PCDHGA6: variants seen among roughly 807,000 people sequenced by gnomAD.
PCDHGA6 encodes protocadherin gamma-A6.
A neutral mutation model predicts 60.6 loss-of-function variants in PCDHGA6; 41 were observed. That is an observed-to-expected ratio of 0.68 (90% CI 0.53 to 0.88). The LOEUF (loss-of-function observed/expected upper bound fraction) is 0.88. Ranked by LOEUF, PCDHGA6 falls within the 40% of genes least tolerant of loss-of-function variation. The pLI is 0.00. For synonymous variants in PCDHGA6, 594 were observed against 524.4 expected (o/e 1.13, Z -1.81); for missense variants, 1,312 against 1,203.0 (o/e 1.09, Z -1.34).
intron 1 of PCDHGA6, chr5:141,390,163 C>A: frequency 1.2e-6 from 2 of 1,613,992 alleles, no homozygotes; most frequent in South Asian, 1.1e-5. Flanking sequence ...ACAGGAAAGA[C>A]GGAGTTTAAT....
chr5:141,381,826 C>CTTCTT (rs1777532522), intron 1 of PCDHGA6, among the ~76,000 whole-genome samples: 13 of 74,294 alleles, frequency 1.7e-4, no homozygotes, highest in South Asian at 5.2e-4. Context: ...CTTTCTTCTT[C>CTTCTT]TTTTTTTTTT....
At chr5:141,395,485 T>C (rs2093239128) in intron 1 of PCDHGA6, 2 of 522,170 alleles carry the variant, frequency 3.8e-6, no homozygotes, top group Non-Finnish European at 6.6e-6. Context: ...TTATTCCTAT[T>C]ATCACTCATT....
chr5:141,462,125 A>G (rs918645911), intron 1 of PCDHGA6, among the ~76,000 whole-genome samples: 24 of 151,688 alleles, frequency 1.6e-4, no homozygotes, highest in African/African-American at 5.6e-4. Flanking sequence ...ACCCAGTCCA[A>G]TTTTTTGTAT....
Position 141,491,944 on chromosome 5 carries a change from C to A in PCDHGA6, c.2425-2863C>A. On this transcript the variant is annotated intron_variant, in intron 1 of 3. Transcript: ENST00000517434. This position sits in a 1 kb window ranked among gnomAD's most constrained non-coding sequence, Gnocchi z 6.9. ...CGAGGGGAGGTGGGACCGACCCCCA[C>A]CCCTACACTCAAAAAAGGCCGGGGC... 2 of 1,120,270 alleles carry A rather than the reference C, an allele frequency of 1.8e-6. No individual in the cohort carries two copies. Among genetic ancestry groups the A allele is most frequent in the Non-Finnish European group, 2.4e-6 (2 of 822,060 alleles). The allele number at this position is 1,120,270 out of a possible 1,614,324, so 69.4% of individuals were successfully genotyped here.
At chr5:141,473,102 C>T (rs1465515592) in intron 1 of PCDHGA6, among the ~76,000 whole-genome samples, 1 of 152,054 alleles carries the variant, frequency 6.6e-6, no homozygotes, top group Non-Finnish European at 1.5e-5. Flanking sequence ...AGTTGTATTA[C>T]CACACTTTAC....
intron 1 of PCDHGA6, among the ~76,000 whole-genome samples, chr5:141,443,812 G>A (rs1441798548): frequency 6.6e-6 from 1 of 151,990 alleles, no homozygotes; most frequent in Admixed American, 6.6e-5. Flanking sequence ...AGTTACCTTT[G>A]GAAAACATAA....
At position 141,389,550 on chromosome 5, in the gene PCDHGA6, A is replaced by T. The variant is rs767434946; in HGVS notation, c.2424+13043A>T. The T allele has an allele frequency of 3.7e-6, 6 of 1,613,098 alleles. No individual in the cohort carries two copies. The African/African-American group carries it at 4.0e-5, about 11-fold the overall frequency. On this transcript the variant is annotated intron_variant, in intron 1 of 3. Transcript: ENST00000517434. ...CGTGTTAGTGGACGACCGCAACGAC[A>T]ATGCGCCACGGGTGCTGTACCCCGC...
At chr5:141,498,679 C>T (rs1454800332) in intron 2 of PCDHGA6, among the ~76,000 whole-genome samples, 1 of 152,170 alleles carries the variant, frequency 6.6e-6, no homozygotes, top group African/African-American at 2.4e-5. Flanking sequence ...CGCCTGTAAT[C>T]CCAGCACTTT....
chr5:141,409,213 C>T (rs1379007048), intron 1 of PCDHGA6: 1 of 1,613,994 alleles, frequency 6.2e-7, no homozygotes, highest in Admixed American at 1.7e-5. Context: ...TCATAGAAAT[C>T]CTTGATGAAA....
chr5:141,390,730 A>G (rs964390196), intron 1 of PCDHGA6: 1 of 195,852 alleles, frequency 5.1e-6, no homozygotes, highest in African/African-American at 2.4e-5. Flanking sequence ...TTTAACTGGT[A>G]TGGTCTCCAT....
Position 141,487,399 on chromosome 5 carries a change from G to T in PCDHGA6, c.2425-7408G>T, listed in dbSNP as rs749826036. 6.2e-7 allele frequency: 1 copy of T among 1,614,140 alleles called. No individual in the cohort carries two copies. The highest frequency in any genetic ancestry group is 8.5e-7 in the Non-Finnish European group (1 of 1,180,014). ...TCACCAGATCTCGAAGGAGGGAGGG[G>T]CTTCCCCCTTCCAATGGGATCCTCC... On this transcript the variant is annotated intron_variant, in intron 1 of 3. Transcript: ENST00000517434. The surrounding 1 kb of genome is among the most constrained non-coding windows in gnomAD (Gnocchi z 5.0).
chr5:141,409,759 C>A, intron 1 of PCDHGA6: 1 of 1,612,958 alleles, frequency 6.2e-7, no homozygotes, highest in Non-Finnish European at 8.5e-7. Flanking sequence ...CGCAGCGCGC[C>A]TTTGATCACG....
Position 141,511,669 on chromosome 5 carries a change from T to C in PCDHGA6, c.*496T>C, listed in dbSNP as rs1468492336. 1 of 199,424 alleles carries C rather than the reference T, an allele frequency of 5.0e-6. No individual in the cohort carries two copies. The highest frequency in any genetic ancestry group is 2.3e-5 in the African/African-American group (1 of 43,748). The allele number at this position is 199,424 out of a possible 1,614,324, so 12.4% of individuals were successfully genotyped here. ...TCTTGGCCTCTCCTTTGATTCTCAA[T>C]CTTCCCCCAAAGCATGGTTTGGTGC... On this transcript the variant is annotated 3_prime_UTR_variant, in exon 4 of 4. Coordinates refer to ENST00000517434, the MANE Select transcript of PCDHGA6 (RefSeq NM_018919.3).
chr5:141,428,222 C>A, intron 1 of PCDHGA6: 1 of 1,173,442 alleles, frequency 8.5e-7, no homozygotes, highest in Non-Finnish European at 1.2e-6. Flanking sequence ...CTAGTCTTCG[C>A]AGACAGCCTG....
At chr5:141,384,434 G>A in intron 1 of PCDHGA6, 1 of 1,614,024 alleles carries the variant, frequency 6.2e-7, no homozygotes, top group Non-Finnish European at 8.5e-7. Flanking sequence ...TCTGACACTG[G>A]AGTCCTGTAC....
chr5:141,495,918 T>C (rs2099764622), intron 2 of PCDHGA6, among the ~76,000 whole-genome samples: 1 of 152,184 alleles, frequency 6.6e-6, no homozygotes, highest in African/African-American at 2.4e-5. Flanking sequence ...ATATCTTTCT[T>C]TGTCTCTGTC....
At chr5:141,429,196 A>ACACACT in intron 1 of PCDHGA6, 1 of 151,994 alleles carries the variant, frequency 6.6e-6, no homozygotes, top group Non-Finnish European at 1.5e-5. Context: ...ACACACACAC[A>ACACACT]CACACACACG....
chr5:141,428,546 A>C (rs1476382847), intron 1 of PCDHGA6: 1 of 263,642 alleles, frequency 3.8e-6, no homozygotes, highest in Non-Finnish European at 7.5e-6. Flanking sequence ...ATGACACCAG[A>C]AACAGTCCCC....
intron 2 of PCDHGA6, among the ~76,000 whole-genome samples, chr5:141,503,100 G>A (rs563699751): frequency 6.6e-6 from 1 of 151,592 alleles, no homozygotes; most frequent in South Asian, 2.1e-4. Context: ...TGGTCTGCCC[G>A]CCCCTGCCTC....
Sources: gnomAD v4.1 joint callset for allele counts (sites outside exome capture counted in the v4.1 genomes callset) on GRCh38, gnomAD v4.1.1 for gene constraint, Gnocchi (gnomAD v3.1) non-coding constraint, MANE v1.5 for transcripts, NCBI Gene and HGNC (gene_info 2026-07-23, HGNC 2026-07-21) for gene names.